The following ZBTB46 variants were observed in gnomAD, a reference collection of about 807,000 sequenced individuals.
ZBTB46 encodes zinc finger and BTB domain-containing protein 46.
In ZBTB46, 8 loss-of-function variants were observed where a neutral mutation model predicts 44.1. That is an observed-to-expected ratio of 0.18 (90% confidence interval 0.11 to 0.33). ZBTB46 has a LOEUF of 0.33. Among genes scored for constraint, ZBTB46 ranks in the 10% least tolerant of loss-of-function variants. The pLI is 1.00. For synonymous variants in ZBTB46, 409 were observed against 382.3 expected (o/e 1.07, Z -0.81); for missense variants, 651 against 847.7 (o/e 0.77, Z 2.88).
chr20:63,786,616 A>T (rs1481367837), intron 2 of ZBTB46, among the ~76,000 whole-genome samples: 1 of 151,842 alleles, frequency 6.6e-6, no homozygotes, highest in African/African-American at 2.4e-5. Context: ...GGTTCAAGAG[A>T]TTCTCCTGCC....
At chr20:63,755,923 C>T (rs1033622211) in intron 3 of ZBTB46, among the ~76,000 whole-genome samples, 16 of 152,280 alleles carry the variant, frequency 1.1e-4, no homozygotes, top group Admixed American at 7.8e-4. Flanking sequence ...CAGGTGTTCT[C>T]GCAAGGAAAA....
At chr20:63,751,686 G>T (rs1422765160) in intron 4 of ZBTB46, among the ~76,000 whole-genome samples, 13 of 127,674 alleles carry the variant, frequency 1.0e-4, no homozygotes, top group African/African-American at 1.2e-4. Flanking sequence ...GCCCCCCGGT[G>T]GGTCTCCCCA....
rs560914713 is a variant in ZBTB46 at position 63,786,734 on chromosome 20, T to A, written c.937+3087A>T. ...ACCATGTTGGCCACGATGGTCTCGATCTCCTGACCTTGTGATCCGCCCGCC... is the reference window on the plus strand; with the variant it reads ...ACCATGTTGGCCACGATGGTCTCGAACTCCTGACCTTGTGATCCGCCCGCC... On this transcript the variant is annotated intron_variant, in intron 2 of 4. Transcript: ENST00000245663. Among the ~76,000 whole-genome samples, 111 of 152,124 alleles carry A rather than the reference T, an allele frequency of 7.3e-4. 2 individuals carry two copies. Among genetic ancestry groups the A allele is most frequent in the Non-Finnish European group, 7.6e-4 (52 of 68,024 alleles).
At chr20:63,821,318 CTATTAT>C (rs1268314955) in intron 1 of ZBTB46, among the ~76,000 whole-genome samples, 1 of 150,900 alleles carries the variant, frequency 6.6e-6, no homozygotes, top group Admixed American at 6.6e-5. Context: ...GCCATTATTA[CTATTAT>C]TATTTTTTAT....
intron 3 of ZBTB46, among the ~76,000 whole-genome samples, chr20:63,770,247 AG>A (rs2092356773): frequency 2.6e-5 from 4 of 152,222 alleles, no homozygotes. Context: ...ACACACCTCA[AG>A]GCCCCAGGAG....
intron 3 of ZBTB46, among the ~76,000 whole-genome samples, chr20:63,771,662 T>G (rs1466978266): frequency 6.6e-6 from 1 of 151,900 alleles, no homozygotes; most frequent in African/African-American, 2.4e-5. Context: ...CGGCTAAGGC[T>G]TCCCTGGACG....
chr20:63,831,435 C>T (rs1317878982), upstream of ZBTB46, among the ~76,000 whole-genome samples: 2 of 143,876 alleles, frequency 1.4e-5, no homozygotes, highest in African/African-American at 2.5e-5. Flanking sequence ...CGGCCGCCGG[C>T]CCCGCCCCTC....
At chr20:63,796,493 C>G (rs1318347226) in intron 1 of ZBTB46, among the ~76,000 whole-genome samples, 1 of 152,274 alleles carries the variant, frequency 6.6e-6, no homozygotes, top group Non-Finnish European at 1.5e-5. Context: ...GACTTGAAAC[C>G]TGCATTTCCG....
At position 63,831,204 on chromosome 20, in the gene ZBTB46, G is replaced by A. The variant is rs1036801943; in HGVS notation, c.-141C>T. The A allele has an allele frequency of 3.5e-5, 5 of 142,642 alleles. No homozygotes were observed. Among genetic ancestry groups the A allele is most frequent in the African/African-American group, 5.0e-5 (2 of 39,678 alleles). 8.8% of individuals were successfully genotyped at this position (142,642 alleles called of 1,614,324 possible). On this transcript the variant is annotated 5_prime_UTR_variant, in exon 1 of 5. Transcript: ENST00000245663. ...CGCTGCGTCCGGGCGGGTCCGAGCTGCGCGCTCGCCGGGGCTGCTCGGTCC... is the reference window on the plus strand; with the variant it reads ...CGCTGCGTCCGGGCGGGTCCGAGCTACGCGCTCGCCGGGGCTGCTCGGTCC...
chr20:63,780,977 A>G (rs1264125720), intron 2 of ZBTB46, among the ~76,000 whole-genome samples: 1 of 147,492 alleles, frequency 6.8e-6, no homozygotes, highest in African/African-American at 2.5e-5. Context: ...AAAAAAAAAA[A>G]AAAAAATACA....
Position 63,774,048 on chromosome 20 carries a change from ACCCCCCGC to A in ZBTB46, c.1222+1622_1222+1629del, listed in dbSNP as rs1260127704. Reference sequence around the variant, plus strand: ...AATTCACAACAGCTGTGTAAGTGGCACCCCCCGCCCCCCCCCCCCCCCCCAGTTTTTCA... The same window carrying A: ...AATTCACAACAGCTGTGTAAGTGGCACCCCCCCCCCCCCCCCAGTTTTTCA... On this transcript the variant is annotated intron_variant, in intron 3 of 4. Transcript: ENST00000245663. Among the ~76,000 whole-genome samples the A allele has an allele frequency of 7.6e-4, 4 of 5,244 alleles. 1 individual carries two copies. The East Asian group carries it at 0.024, about 32-fold the overall frequency. 3.4% of individuals were successfully genotyped at this position (5,244 alleles called of 152,430 possible). A position where few individuals can be genotyped will look rare whatever the true frequency, so the allele number is the denominator to read the frequency against.
At chr20:63,748,809 T>C (rs188425662) in intron 4 of ZBTB46, among the ~76,000 whole-genome samples, 8 of 152,348 alleles carry the variant, frequency 5.3e-5, no homozygotes, top group South Asian at 2.1e-4. Flanking sequence ...TGAGTTTAGC[T>C]CTTCCTTAAA....
intron 1 of ZBTB46, among the ~76,000 whole-genome samples, chr20:63,814,013 TCA>T (rs1432595329): frequency 1.3e-5 from 2 of 151,918 alleles, no homozygotes; most frequent in Non-Finnish European, 2.9e-5. Flanking sequence ...GGCGGGTGGA[TCA>T]CAAGGTCAGG....
At chr20:63,759,009 G>A (rs1192810250) in intron 3 of ZBTB46, among the ~76,000 whole-genome samples, 1 of 152,250 alleles carries the variant, frequency 6.6e-6, no homozygotes, top group Non-Finnish European at 1.5e-5. Context: ...TGGGATGACA[G>A]GCGTGAGCCA....
chr20:63,759,986 C>G (rs2092259576), intron 3 of ZBTB46, among the ~76,000 whole-genome samples: 1 of 152,140 alleles, frequency 6.6e-6, no homozygotes, highest in African/African-American at 2.4e-5. Context: ...TTGGAATGAG[C>G]CTGCGGACCA....
chr20:63,764,046 C>A (rs938204415), intron 3 of ZBTB46, among the ~76,000 whole-genome samples: 3 of 151,942 alleles, frequency 2.0e-5, no homozygotes, highest in Non-Finnish European at 2.9e-5. Context: ...ACAACTCACA[C>A]CAGCCTCGAC....
chr20:63,790,240 C>T lies in ZBTB46; in HGVS notation c.518G>A (p.Arg173Gln), dbSNP rs145803796. The change falls in exon 2 of 5, where the codon CGG (arginine) becomes CAG (glutamine). Residue 173 changes from arginine (R) to glutamine (Q), a missense_variant. Around this residue, in one of 5 missense-constraint regions of ZBTB46, gnomAD observed 385 missense variants for 423.3 expected, o/e 0.91. Coordinates refer to ENST00000245663, the MANE Select transcript of ZBTB46 (RefSeq NM_001369741.1). ...AGRSISPWLA[R>Q]RTSPANSSGD... ...GGAAGAATTGGCAGGACTCGTTCGC[C>T]GTGCCAGCCACGGGGAGATGCTCCT... 2.0e-5 allele frequency: 33 copies of T among 1,610,858 alleles called. No individual in the cohort carries two copies. Among genetic ancestry groups the T allele is most frequent in the East Asian group, 4.5e-5 (2 of 44,778 alleles).
chr20:63,820,169 C>T (rs988342260), intron 1 of ZBTB46, among the ~76,000 whole-genome samples: 1 of 152,080 alleles, frequency 6.6e-6, no homozygotes, highest in Non-Finnish European at 1.5e-5. Context: ...TTTCGGCTCA[C>T]TGCAAGCTCT....
At chr20:63,811,914 C>A (rs1204399572) in intron 1 of ZBTB46, among the ~76,000 whole-genome samples, 1 of 152,158 alleles carries the variant, frequency 6.6e-6, no homozygotes, top group Non-Finnish European at 1.5e-5. Context: ...ATCGTTCAGA[C>A]CAAGTACTTG....
Sources: allele counts gnomAD v4.1 joint callset (sites outside exome capture counted in the v4.1 genomes callset), GRCh38; gene constraint gnomAD v4.1.1; regional missense constraint gnomAD v4.1.1; transcripts MANE v1.5; gene names NCBI Gene and HGNC (gene_info 2026-07-23, HGNC 2026-07-21).